The following CNTN5 variants were observed in gnomAD, a reference collection of about 807,000 sequenced individuals.
CNTN5 encodes the protein contactin 5.
A neutral mutation model predicts 129.1 loss-of-function variants in CNTN5; 77 were observed. The ratio of observed to expected loss-of-function variants is 0.60; its 90% CI spans 0.50 to 0.72. The LOEUF is 0.72. Among genes scored for constraint, CNTN5 ranks in the 30% least tolerant of loss-of-function variants. The pLI, the probability that CNTN5 is intolerant of heterozygous loss-of-function variation, is 0.00. For missense variants in CNTN5, 1,478 were observed against 1,328.8 expected, an observed-to-expected ratio of 1.11 and a Z score of -1.75; for synonymous variants, 509 against 465.6, an observed-to-expected ratio of 1.09 and a Z score of -1.20.
chr11:99,968,571 A>C (rs1399048988), intron 8 of CNTN5, among the ~76,000 whole-genome samples: 1 of 151,790 alleles, frequency 6.6e-6, no homozygotes, highest in Admixed American at 6.6e-5. Flanking sequence ...TTGGTACTCA[A>C]CAATGGAATG....
In CNTN5 at chr11:99,398,371, A is replaced by G. The variant is rs531084356; in HGVS notation, c.-71+72887A>G. ...TTCTGCATTCCAACCTCCTGAATGA[A>G]TTATTTGATTTGCATACATTAAGAT... On this transcript the variant is annotated intron_variant, in intron 2 of 24. Transcript: ENST00000524871. Among the ~76,000 whole-genome samples, 9 of 151,988 alleles carry G rather than the reference A, an allele frequency of 5.9e-5. No homozygotes were observed. The South Asian group carries it at 1.5e-3, about 25-fold the overall frequency.
intron 21 of CNTN5, among the ~76,000 whole-genome samples, chr11:100,334,747 G>A (rs1951992930): frequency 6.6e-6 from 1 of 152,106 alleles, no homozygotes; most frequent in Non-Finnish European, 1.5e-5. Context: ...AAAGTTATAA[G>A]AATGACATGT....
At chr11:99,635,507 A>G (rs1237718113) in intron 3 of CNTN5, among the ~76,000 whole-genome samples, 1 of 151,970 alleles carries the variant, frequency 6.6e-6, no homozygotes. Context: ...AATTGAGCCT[A>G]CTACATATGA....
Position 100,122,707 on chromosome 11 carries a change from GA to G in CNTN5, c.1580+48416del, listed in dbSNP as rs1333276086. Among the ~76,000 whole-genome samples, 6 of 152,178 alleles carry G rather than the reference GA, an allele frequency of 3.9e-5. 1 individual carries two copies. The East Asian group carries it at 1.2e-3, about 30-fold the overall frequency. ...GGGCCATTCTGATGGTGTAGTTAGT[GA>G]AAGGAAAATTGTCAGAGGGGAGGTC... On this transcript the variant is annotated intron_variant, in intron 13 of 24. Transcript: ENST00000524871.
chr11:99,994,491 T>G (rs1939322211), intron 8 of CNTN5, among the ~76,000 whole-genome samples: 1 of 152,152 alleles, frequency 6.6e-6, no homozygotes, highest in African/African-American at 2.4e-5. Context: ...TAGAAATAAT[T>G]ATATAGAAAT....
At chr11:100,061,873 A>G (rs1186796364) in intron 10 of CNTN5, among the ~76,000 whole-genome samples, 1 of 152,234 alleles carries the variant, frequency 6.6e-6, no homozygotes, top group African/African-American at 2.4e-5. Flanking sequence ...GACAGAGACC[A>G]GCTGACTTGC....
intron 8 of CNTN5, among the ~76,000 whole-genome samples, chr11:99,974,040 C>T (rs755422238): frequency 7.2e-5 from 11 of 152,156 alleles, no homozygotes; most frequent in African/African-American, 9.7e-5. Flanking sequence ...TATTTTATAA[C>T]GCTCATCTTT....
At chr11:100,089,784 C>T (rs779815576) in intron 13 of CNTN5, among the ~76,000 whole-genome samples, 1 of 152,026 alleles carries the variant, frequency 6.6e-6, no homozygotes, top group Admixed American at 6.6e-5. Flanking sequence ...CCTCAGCAAA[C>T]TAATGCAGGA....
chr11:99,234,200 A>G (rs1484427447), intron 1 of CNTN5, among the ~76,000 whole-genome samples: 3 of 152,174 alleles, frequency 2.0e-5, no homozygotes, highest in Non-Finnish European at 4.4e-5. Flanking sequence ...AAAAATTGCC[A>G]ATATCATGGA....
intron 2 of CNTN5, among the ~76,000 whole-genome samples, chr11:99,409,378 G>T (rs1351998092): frequency 6.6e-6 from 1 of 152,158 alleles, no homozygotes; most frequent in African/African-American, 2.4e-5. Flanking sequence ...TGAGAAAGGA[G>T]AATGGCGTGA....
chr11:99,067,838 C>G (rs1865166798), intron 1 of CNTN5, among the ~76,000 whole-genome samples: 2 of 152,086 alleles, frequency 1.3e-5, no homozygotes, highest in African/African-American at 2.4e-5. Flanking sequence ...TGCCCCCACC[C>G]AAAATCTCAT....
rs187205589 is a variant in CNTN5 at position 99,037,338 on chromosome 11, G to A, written c.-210+16068G>A. On this transcript the variant is annotated intron_variant, in intron 1 of 24. Coordinates refer to ENST00000524871, the MANE Select transcript of CNTN5 (RefSeq NM_014361.4). ...TTTCTTTGCTCTAAAAGCTTTAATC[G>A]TTTCTACTGCTTAAAGAATACATTT... Among the ~76,000 whole-genome samples, 251 of 152,074 alleles carry A rather than the reference G, an allele frequency of 1.7e-3. 1 individual carries two copies. The highest frequency in any genetic ancestry group is 2.6e-3 in the Non-Finnish European group (178 of 67,990).
At chr11:99,642,693 T>G (rs1234702096) in intron 3 of CNTN5, among the ~76,000 whole-genome samples, 2 of 152,156 alleles carry the variant, frequency 1.3e-5, no homozygotes, top group Admixed American at 1.3e-4. Context: ...ACACCAAAAC[T>G]TATTCCTCCT....
chr11:99,054,353 A>G (rs2135186621), intron 1 of CNTN5, among the ~76,000 whole-genome samples: 1 of 152,074 alleles, frequency 6.6e-6, no homozygotes, highest in Non-Finnish European at 1.5e-5. Flanking sequence ...ATGTAACACA[A>G]CATTTGTCTT....
chr11:99,103,040 A>G (rs2135356356), intron 1 of CNTN5, among the ~76,000 whole-genome samples: 1 of 152,302 alleles, frequency 6.6e-6, no homozygotes, highest in East Asian at 1.9e-4. Context: ...CCAGCAGGCA[A>G]GAGAGAGGAG....
chr11:100,151,875 C>G (rs1947072803), intron 13 of CNTN5, among the ~76,000 whole-genome samples: 1 of 152,136 alleles, frequency 6.6e-6, no homozygotes, highest in South Asian at 2.1e-4. Context: ...TATAGTATGT[C>G]TTTATTCCTA....
intron 6 of CNTN5, among the ~76,000 whole-genome samples, chr11:99,848,056 A>G (rs1947757018): frequency 6.6e-6 from 1 of 152,056 alleles, no homozygotes; most frequent in African/African-American, 2.4e-5. Flanking sequence ...CTAAAAATAC[A>G]AAAAATTAGC....
At chr11:99,894,071 A>C (rs1949134579) in intron 6 of CNTN5, among the ~76,000 whole-genome samples, 1 of 152,090 alleles carries the variant, frequency 6.6e-6, no homozygotes, top group African/African-American at 2.4e-5. Context: ...AAGCAAGATG[A>C]AAATAAAATT....
intron 3 of CNTN5, among the ~76,000 whole-genome samples, chr11:99,565,289 A>G (rs1271879825): frequency 6.6e-6 from 1 of 152,150 alleles, no homozygotes. Flanking sequence ...AATTTCTTCC[A>G]AAAGAAATGC....
Sources: gnomAD v4.1 joint callset for allele counts (sites outside exome capture counted in the v4.1 genomes callset) on GRCh38, gnomAD v4.1.1 for gene constraint, MANE v1.5 for transcripts, NCBI Gene and HGNC (gene_info 2026-07-23, HGNC 2026-07-21) for gene names.